The following FOXP2 variants were observed in gnomAD, a reference collection of about 807,000 sequenced individuals.
FOXP2 encodes the protein forkhead box protein P2.
In FOXP2, 12 loss-of-function variants were observed where a neutral mutation model predicts 115.8. The ratio of observed to expected loss-of-function variants is 0.10; its 90% CI spans 0.07 to 0.17. FOXP2 has a LOEUF of 0.17. FOXP2 is among the 10% of genes least tolerant of loss of function. The probability of loss-of-function intolerance (pLI) is 1.00; values close to 1 mark genes in which losing one functional copy is unlikely to be tolerated. For missense variants in FOXP2, 629 were observed against 843.5 expected (o/e 0.75, Z 3.15); for synonymous variants, 328 against 297.7 (o/e 1.10, Z -1.05).
chr7:114,439,941 TA>T (rs1794527912), intron 2 of FOXP2, among the ~76,000 whole-genome samples: 1 of 152,218 alleles, frequency 6.6e-6, no homozygotes, highest in Admixed American at 6.5e-5. Context: ...AAATGCCCAG[TA>T]AAGATGGTTG....
At chr7:114,362,745 A>G (rs575680172) in intron 2 of FOXP2, among the ~76,000 whole-genome samples, 1 of 152,132 alleles carries the variant, frequency 6.6e-6, no homozygotes, top group Admixed American at 6.6e-5. Flanking sequence ...CGAACTTTTA[A>G]AAAAATATGC....
chr7:114,488,945 T>A (rs1175825511), intron 2 of FOXP2, among the ~76,000 whole-genome samples: 1 of 152,120 alleles, frequency 6.6e-6, no homozygotes, highest in East Asian at 1.9e-4. Flanking sequence ...ATGAACACTT[T>A]TAAAGGATTG....
At chr7:114,543,330 A>G (rs567966787) in intron 3 of FOXP2, among the ~76,000 whole-genome samples, 2 of 152,256 alleles carry the variant, frequency 1.3e-5, no homozygotes, top group Admixed American at 6.5e-5. Context: ...TAGACCCTCA[A>G]CATTCACAAT....
chr7:114,148,122 G>A (rs1329403745), intron 1 of FOXP2, among the ~76,000 whole-genome samples: 6 of 152,124 alleles, frequency 3.9e-5, no homozygotes, highest in Non-Finnish European at 8.8e-5. Flanking sequence ...TTATCTCTTA[G>A]GGCAAAGCCC....
upstream of FOXP2, among the ~76,000 whole-genome samples, chr7:114,161,636 A>G (rs1792835125): frequency 1.3e-5 from 2 of 150,458 alleles, no homozygotes; most frequent in African/African-American, 4.9e-5. Flanking sequence ...AAACACGTGT[A>G]TGTGTGTGTG....
intron 1 of FOXP2, among the ~76,000 whole-genome samples, chr7:114,247,550 G>A (rs1331282791): frequency 6.6e-6 from 1 of 151,992 alleles, no homozygotes; most frequent in East Asian, 1.9e-4. Flanking sequence ...CTATTTAGTA[G>A]TATTTGTCTA....
At chr7:114,407,872 G>A (rs1793072249) in intron 2 of FOXP2, among the ~76,000 whole-genome samples, 1 of 152,032 alleles carries the variant, frequency 6.6e-6, no homozygotes, top group Non-Finnish European at 1.5e-5. Flanking sequence ...GCATCATTCA[G>A]TAAAAACATG....
At chr7:114,523,497 C>T (rs1035340848) in intron 2 of FOXP2, among the ~76,000 whole-genome samples, 6 of 152,114 alleles carry the variant, frequency 3.9e-5, no homozygotes, top group African/African-American at 1.4e-4. Context: ...GTAGCATTTC[C>T]TTGCCTTGGT....
At chr7:114,275,282 C>T (rs1353014086) in intron 1 of FOXP2, among the ~76,000 whole-genome samples, 1 of 152,092 alleles carries the variant, frequency 6.6e-6, no homozygotes, top group East Asian at 1.9e-4. Context: ...CTCTTGTATT[C>T]CCATTATGTG....
At chr7:114,493,334 G>A (rs1387127888) in intron 2 of FOXP2, among the ~76,000 whole-genome samples, 2 of 152,054 alleles carry the variant, frequency 1.3e-5, no homozygotes, top group African/African-American at 4.8e-5. Context: ...CCTGAATACA[G>A]CACACTGATG....
chr7:114,291,964 T>C (rs1292520293), intron 2 of FOXP2, among the ~76,000 whole-genome samples: 2 of 122,090 alleles, frequency 1.6e-5, no homozygotes, highest in African/African-American at 8.1e-5. Context: ...ATATAGAATA[T>C]ATATTATAGA....
intron 1 of FOXP2, among the ~76,000 whole-genome samples, chr7:114,230,551 A>T (rs1794848941): frequency 2.0e-5 from 3 of 152,040 alleles, no homozygotes; most frequent in South Asian, 2.1e-4. Flanking sequence ...TCCCTGGAAT[A>T]CAAGTAAGGT....
intron 2 of FOXP2, among the ~76,000 whole-genome samples, chr7:114,507,049 C>A (rs1463264555): frequency 6.6e-6 from 1 of 151,330 alleles, no homozygotes; most frequent in African/African-American, 2.4e-5. Flanking sequence ...CTTTAATAAC[C>A]ACTCATCTCT....
chr7:114,128,540 T>A (rs1192411015), intron 1 of FOXP2, among the ~76,000 whole-genome samples: 1 of 152,130 alleles, frequency 6.6e-6, no homozygotes, highest in Non-Finnish European at 1.5e-5. Flanking sequence ...TTAAAAACTT[T>A]ATTCTTCTAT....
At chr7:114,408,998 T>C (rs1793102866) in intron 2 of FOXP2, among the ~76,000 whole-genome samples, 1 of 152,082 alleles carries the variant, frequency 6.6e-6, no homozygotes, top group African/African-American at 2.4e-5. Flanking sequence ...CAAAATAATA[T>C]ACTAAATGTA....
At chr7:114,399,296 C>G (rs962066560) in intron 2 of FOXP2, among the ~76,000 whole-genome samples, 2 of 151,858 alleles carry the variant, frequency 1.3e-5, no homozygotes, top group African/African-American at 4.8e-5. Context: ...TCTGTAGAGA[C>G]AGGGTTTCAC....
chr7:114,270,066 T>C (rs1795996969), intron 1 of FOXP2, among the ~76,000 whole-genome samples: 1 of 152,192 alleles, frequency 6.6e-6, no homozygotes. Flanking sequence ...AGAAAAATGT[T>C]GATCAGTCAG....
intron 7 of FOXP2, among the ~76,000 whole-genome samples, chr7:114,643,486 A>G (rs1387158378): frequency 6.6e-6 from 1 of 152,188 alleles, no homozygotes; most frequent in Non-Finnish European, 1.5e-5. Flanking sequence ...TGGTAATTTT[A>G]TGATTAAATT....
chr7:114,396,635 A>G (rs1792748925), intron 2 of FOXP2, among the ~76,000 whole-genome samples: 1 of 152,006 alleles, frequency 6.6e-6, no homozygotes. Flanking sequence ...TCATGGAAGT[A>G]TAGAGTAGAA....
Sources: allele counts gnomAD v4.1 joint callset (sites outside exome capture counted in the v4.1 genomes callset), GRCh38; gene constraint gnomAD v4.1.1; transcripts MANE v1.5; gene names NCBI Gene and HGNC (gene_info 2026-07-23, HGNC 2026-07-21).